ERBB4: variants seen among roughly 807,000 people sequenced by gnomAD.
ERBB4 encodes receptor tyrosine-protein kinase erbB-4.
Under a neutral mutation model 158.0 loss-of-function variants are expected in ERBB4, and 42 were observed. The ratio of observed to expected loss-of-function variants is 0.27; its 90% CI spans 0.21 to 0.34. ERBB4 has a LOEUF of 0.34. Ranked by LOEUF, ERBB4 falls within the 10% of genes least tolerant of loss-of-function variation. The pLI is 1.00. For synonymous variants in ERBB4, 583 were observed against 558.7 expected (o/e 1.04, Z -0.61); for missense variants, 1,333 against 1,624.1 (o/e 0.82, Z 3.08).
chr2:211,480,731 G>T (rs2065061897), intron 20 of ERBB4, among the ~76,000 whole-genome samples: 1 of 152,132 alleles, frequency 6.6e-6, no homozygotes, highest in Admixed American at 6.5e-5. Flanking sequence ...ATCTCATTAG[G>T]CGTCACAGTT....
At chr2:212,529,552 T>C (rs1040911244) in intron 1 of ERBB4, among the ~76,000 whole-genome samples, 3 of 152,162 alleles carry the variant, frequency 2.0e-5, no homozygotes, top group Non-Finnish European at 4.4e-5. Flanking sequence ...ACAGCTTACT[T>C]TGTGCACTAT....
At chr2:211,685,937 G>C (rs2072547796) in intron 12 of ERBB4, among the ~76,000 whole-genome samples, 1 of 152,046 alleles carries the variant, frequency 6.6e-6, no homozygotes, top group Non-Finnish European at 1.5e-5. Context: ...CATGTATTCA[G>C]ATACAATTAA....
In ERBB4 at chr2:212,195,477, T is replaced by G. The variant is rs563745075; in HGVS notation, c.83-70574A>C. Reference sequence around the variant, plus strand: ...TTTTTAATTAGGCTATTTTTAAATTTAAATTAATTAAATAAAATATGCACA... The same window carrying G: ...TTTTTAATTAGGCTATTTTTAAATTGAAATTAATTAAATAAAATATGCACA... On this transcript the variant is annotated intron_variant, in intron 1 of 27. Transcript: ENST00000342788. Among the ~76,000 whole-genome samples the G allele has an allele frequency of 4.9e-3, 707 of 144,526 alleles. 2 individuals are homozygous for G. The highest frequency in any genetic ancestry group is 0.017 in the African/African-American group (658 of 39,856). The allele number at this position is 144,526 out of a possible 152,430, so 94.8% of individuals were successfully genotyped here.
rs150735127 is a variant in ERBB4, at chr2:211,704,198, C to T, written c.1199-4G>A. 1,754 of 1,582,238 alleles carry T rather than the reference C, an allele frequency of 1.1e-3. 23 individuals carry two copies. In the African/African-American group the frequency reaches 0.021, roughly 19 times the overall value. ...CATGACTGTATGTTCAGGAAACCTA[C>T]AAGTGAAGAGTAGAAAAAATAAATC... On this transcript the variant is annotated splice_region_variant and splice_polypyrimidine_tract_variant and intron_variant, in intron 10 of 27. Coordinates refer to ENST00000342788, the MANE Select transcript of ERBB4 (RefSeq NM_005235.3).
chr2:211,770,122 T>A lies in ERBB4; in HGVS notation c.556+17903A>T, dbSNP rs1408853543. Among the ~76,000 whole-genome samples, 3 of 152,246 alleles carry A rather than the reference T, an allele frequency of 2.0e-5. No individual in the cohort carries two copies. In the East Asian group the frequency reaches 5.8e-4, roughly 29 times the overall value. The stretch of plus-strand genomic sequence containing the variant: ...TTAGAAATTTTTGCAAATTCTCATA[T>A]AGCAGGATGACTTAAACTTTACGTG... On this transcript the variant is annotated intron_variant, in intron 4 of 27. Transcript: ENST00000342788.
chr2:212,376,593 T>A (rs1335081448), intron 1 of ERBB4, among the ~76,000 whole-genome samples: 1 of 152,046 alleles, frequency 6.6e-6, no homozygotes, highest in African/African-American at 2.4e-5. Flanking sequence ...TCATTAGGCA[T>A]CCAACTTACA....
At chr2:211,633,361 T>C (rs993006995) in intron 16 of ERBB4, among the ~76,000 whole-genome samples, 4 of 151,986 alleles carry the variant, frequency 2.6e-5, no homozygotes, top group East Asian at 1.9e-4. Flanking sequence ...TATTCATATA[T>C]GTCTACAAAT....
At chr2:211,797,313 G>T (rs1470823535) in intron 3 of ERBB4, among the ~76,000 whole-genome samples, 1 of 151,756 alleles carries the variant, frequency 6.6e-6, no homozygotes, top group African/African-American at 2.4e-5. Flanking sequence ...TTTATTTACA[G>T]GATTTAATAC....
At chr2:212,134,292 CTATTAG>C (rs2080200301) in intron 1 of ERBB4, among the ~76,000 whole-genome samples, 1 of 151,906 alleles carries the variant, frequency 6.6e-6, no homozygotes, top group South Asian at 2.1e-4. Flanking sequence ...ATACATTACT[CTATTAG>C]TATAATTCTG....
At chr2:211,544,607 G>C (rs570187308) in intron 20 of ERBB4, among the ~76,000 whole-genome samples, 4 of 152,098 alleles carry the variant, frequency 2.6e-5, no homozygotes, top group Admixed American at 1.3e-4. Flanking sequence ...ATAATAACAA[G>C]AGTGAGAAAA....
rs1350682854 is a variant in ERBB4, at chr2:212,467,214, G to A, written c.82+71235C>T. Among the ~76,000 whole-genome samples the A allele has an allele frequency of 2.0e-5, 3 of 152,320 alleles. No homozygotes were observed. In the East Asian group the frequency reaches 5.8e-4, roughly 29 times the overall value. On this transcript the variant is annotated intron_variant, in intron 1 of 27. Transcript: ENST00000342788. ...AGAAAAGAAAATCCCATATTCTGAA[G>A]AGAAATTCAAGCTGGCTGCAGAAAT...
chr2:211,978,963 T>C lies in ERBB4; in HGVS notation c.235-31347A>G, dbSNP rs149312697. On this transcript the variant is annotated intron_variant, in intron 2 of 27. Coordinates refer to ENST00000342788, the MANE Select transcript of ERBB4 (RefSeq NM_005235.3). ...ATCTAATACTTCTCTTGAAAGTCCA[T>C]AGATATATGGAAAAAGTGAAACAAA... Among the ~76,000 whole-genome samples the C allele has an allele frequency of 1.0e-3, 158 of 152,270 alleles. 2 individuals carry two copies. The highest frequency in any genetic ancestry group is 3.4e-3 in the African/African-American group (141 of 41,552).
intron 1 of ERBB4, among the ~76,000 whole-genome samples, chr2:212,294,446 T>C (rs945354500): frequency 2.0e-5 from 3 of 152,038 alleles, no homozygotes; most frequent in Non-Finnish European, 4.4e-5. Flanking sequence ...TCTCACTTTG[T>C]CTAATAATAT....
chr2:211,855,013 A>G (rs938961451), intron 3 of ERBB4, among the ~76,000 whole-genome samples: 1 of 152,120 alleles, frequency 6.6e-6, no homozygotes, highest in East Asian at 1.9e-4. Context: ...CATGTACTCA[A>G]CAACATTCGT....
At chr2:212,512,324 G>GTA (rs139979390) in intron 1 of ERBB4, among the ~76,000 whole-genome samples, 8,508 of 148,324 alleles carry the variant, frequency 0.057, 475 homozygotes, top group African/African-American at 0.15. Context: ...TACATATTGA[G>GTA]TATATATATA....
intron 1 of ERBB4, among the ~76,000 whole-genome samples, chr2:212,246,013 T>C (rs2084294703): frequency 6.6e-6 from 1 of 152,140 alleles, no homozygotes; most frequent in Non-Finnish European, 1.5e-5. Context: ...CAGTGTTCCT[T>C]TGAAAACCTC....
At chr2:212,428,206 A>G (rs1275079641) in intron 1 of ERBB4, among the ~76,000 whole-genome samples, 1 of 152,184 alleles carries the variant, frequency 6.6e-6, no homozygotes, top group African/African-American at 2.4e-5. Context: ...TGATAATAAT[A>G]TTTAAACAGT....
At chr2:212,313,729 T>C (rs1285697758) in intron 1 of ERBB4, among the ~76,000 whole-genome samples, 2 of 151,058 alleles carry the variant, frequency 1.3e-5, no homozygotes, top group Non-Finnish European at 3.0e-5. Flanking sequence ...TTTCCAGAAT[T>C]ATTCATTGAG....
At chr2:211,572,419 C>CA (rs2067755838) in intron 19 of ERBB4, among the ~76,000 whole-genome samples, 1 of 152,032 alleles carries the variant, frequency 6.6e-6, no homozygotes, top group Non-Finnish European at 1.5e-5. Flanking sequence ...CATTTTCTAC[C>CA]AATACTCACC....
Sources: gnomAD v4.1 joint callset for allele counts (sites outside exome capture counted in the v4.1 genomes callset) on GRCh38, gnomAD v4.1.1 for gene constraint, MANE v1.5 for transcripts, NCBI Gene and HGNC (gene_info 2026-07-23, HGNC 2026-07-21) for gene names.